NEGR1: variants seen among roughly 807,000 people sequenced by gnomAD.
NEGR1 encodes the protein neuronal growth regulator 1, also known as IgLON family member 4.
A neutral mutation model predicts 40.9 loss-of-function variants in NEGR1; 10 were observed. The observed-to-expected ratio is 0.24, with a 90% confidence interval of 0.15 to 0.42. NEGR1 has a LOEUF of 0.42. Ranked by LOEUF, NEGR1 falls within the 10% of genes least tolerant of loss-of-function variation. NEGR1 has a pLI of 1.00. For missense variants in NEGR1, 352 were observed against 438.9 expected (o/e 0.80, Z 1.77); for synonymous variants, 185 against 166.8 (o/e 1.11, Z -0.84).
intron 2 of NEGR1, among the ~76,000 whole-genome samples, chr1:71,839,402 G>A (rs569215275): frequency 1.3e-5 from 2 of 151,348 alleles, no homozygotes; most frequent in African/African-American, 4.8e-5. Flanking sequence ...GTAGAGATGG[G>A]GTTTCGCCAT....
rs915520025 is a variant in NEGR1 at position 71,400,283 on chromosome 1, G to A, written c.*7163C>T. The A allele has an allele frequency of 2.6e-5, 4 of 152,050 alleles. No individual in the cohort carries two copies. Among genetic ancestry groups the A allele is most frequent in the Non-Finnish European group, 5.9e-5 (4 of 68,010 alleles). 9.4% of individuals were successfully genotyped at this position (152,050 alleles called of 1,614,324 possible). A position where few individuals can be genotyped will look rare whatever the true frequency, so the allele number is the denominator to read the frequency against. On this transcript the variant is annotated 3_prime_UTR_variant, in exon 7 of 7. Coordinates refer to ENST00000357731, the MANE Select transcript of NEGR1 (RefSeq NM_173808.3). ...GACTGGGCTCATTAGCACTAAGTAGGAGCAGAACACTCAGTTCTGGCTATA... is the reference window on the plus strand; with the variant it reads ...GACTGGGCTCATTAGCACTAAGTAGAAGCAGAACACTCAGTTCTGGCTATA...
At chr1:71,509,668 C>A in intron 6 of NEGR1, among the ~76,000 whole-genome samples, 1 of 152,142 alleles carries the variant, frequency 6.6e-6, no homozygotes. Context: ...CTTTTGATCC[C>A]AATATATATG....
chr1:71,680,605 T>C (rs1243128895), intron 4 of NEGR1, among the ~76,000 whole-genome samples: 1 of 152,160 alleles, frequency 6.6e-6, no homozygotes, highest in Non-Finnish European at 1.5e-5. Flanking sequence ...TGTTCATTTC[T>C]GTTTTAATTT....
chr1:71,803,159 G>A lies in NEGR1; in HGVS notation c.410-26862C>T, dbSNP rs182294208. On this transcript the variant is annotated intron_variant, in intron 2 of 6. Transcript: ENST00000357731. ...ACTAACGTTAAATGAGGTCATCTTG[G>A]TTGGCCCCTAATCTAATATGACTGA... 3.3e-4 allele frequency among the ~76,000 whole-genome samples: 50 copies of A among 152,138 alleles called. No individual in the cohort carries two copies. In the South Asian group the frequency reaches 3.5e-3, roughly 11 times the overall value.
At chr1:71,771,122 T>TA (rs929837838) in intron 3 of NEGR1, among the ~76,000 whole-genome samples, 1 of 152,024 alleles carries the variant, frequency 6.6e-6, no homozygotes, top group African/African-American at 2.4e-5. Flanking sequence ...TATGCAGCCA[T>TA]AAAAAAGATG....
In NEGR1 at chr1:72,278,898, T is replaced by C. The variant is rs554467593; in HGVS notation, c.176+3421A>G. ...AAATTACAATGTATTTTAGACATCA[T>C]ATATTTTTTAAATACAAAGCTTAAG... is the stretch of plus-strand genomic sequence containing the variant. On this transcript the variant is annotated intron_variant, in intron 1 of 6. Transcript: ENST00000357731. Among the ~76,000 whole-genome samples, 518 of 152,252 alleles carry C rather than the reference T, an allele frequency of 3.4e-3. 4 individuals carry two copies. Among genetic ancestry groups the C allele is most frequent in the African/African-American group, 0.012 (501 of 41,568 alleles).
intron 2 of NEGR1, among the ~76,000 whole-genome samples, chr1:71,930,216 T>C (rs1645842174): frequency 6.6e-6 from 1 of 152,186 alleles, no homozygotes; most frequent in African/African-American, 2.4e-5. Context: ...AAAAGCCTTA[T>C]GAATGAATGC....
rs141491252 is a variant in NEGR1, at chr1:71,646,228, A to G, written c.668-35082T>C. Among the ~76,000 whole-genome samples the G allele has an allele frequency of 1.4e-3, 207 of 151,966 alleles. 4 individuals are homozygous for G. In the East Asian group the frequency reaches 0.024, roughly 17 times the overall value. On this transcript the variant is annotated intron_variant, in intron 4 of 6. Transcript: ENST00000357731. ...CACATACATATACATAAACACATAT[A>G]TATACATTCATATACATGTCTATGA...
At chr1:71,660,492 A>G (rs994307176) in intron 4 of NEGR1, among the ~76,000 whole-genome samples, 5 of 151,740 alleles carry the variant, frequency 3.3e-5, no homozygotes, top group Admixed American at 6.5e-5. Flanking sequence ...AGTTTAAAAA[A>G]GAAAAAAAAG....
chr1:71,699,103 C>T (rs1653591328), intron 3 of NEGR1, among the ~76,000 whole-genome samples: 1 of 151,876 alleles, frequency 6.6e-6, no homozygotes, highest in African/African-American at 2.4e-5. Flanking sequence ...GCAATGCTTC[C>T]ATTAAATTGT....
chr1:71,409,441 T>C (rs1646301696), intron 6 of NEGR1, among the ~76,000 whole-genome samples: 3 of 152,058 alleles, frequency 2.0e-5, no homozygotes, highest in Admixed American at 2.0e-4. Context: ...ATTTTTGTTA[T>C]GAGAAATTAA....
intron 1 of NEGR1, among the ~76,000 whole-genome samples, chr1:72,112,257 T>C (rs907153837): frequency 3.6e-5 from 5 of 138,292 alleles, no homozygotes; most frequent in African/African-American, 1.5e-4. Flanking sequence ...AGTTGTACAC[T>C]TTTACGTTTA....
chr1:71,706,075 G>T (rs1653886374), intron 3 of NEGR1, among the ~76,000 whole-genome samples: 1 of 152,242 alleles, frequency 6.6e-6, no homozygotes, highest in Non-Finnish European at 1.5e-5. Flanking sequence ...GTACTGAAGA[G>T]ATTTTTAAAA....
At chr1:72,035,422 A>C (rs1646893976) in intron 1 of NEGR1, among the ~76,000 whole-genome samples, 1 of 152,142 alleles carries the variant, frequency 6.6e-6, no homozygotes, top group South Asian at 2.1e-4. Context: ...TCACTGACTT[A>C]AGTATCACTT....
At chr1:71,894,173 G>A (rs2101854170) in intron 2 of NEGR1, among the ~76,000 whole-genome samples, 1 of 140,496 alleles carries the variant, frequency 7.1e-6, no homozygotes, top group East Asian at 2.1e-4. Flanking sequence ...GTATACATAT[G>A]TAACTAACCT....
At chr1:71,621,003 G>A (rs1650591239) in intron 4 of NEGR1, among the ~76,000 whole-genome samples, 1 of 151,884 alleles carries the variant, frequency 6.6e-6, no homozygotes, top group African/African-American at 2.4e-5. Flanking sequence ...TTTGCACTGA[G>A]TTAGTTGTCA....
intron 1 of NEGR1, among the ~76,000 whole-genome samples, chr1:72,167,546 A>C (rs1254676224): frequency 6.6e-6 from 1 of 152,176 alleles, no homozygotes; most frequent in African/African-American, 2.4e-5. Flanking sequence ...TACAAATAAA[A>C]TGACTACATT....
At chr1:72,019,737 A>C (rs1426372775) in intron 1 of NEGR1, among the ~76,000 whole-genome samples, 1 of 152,198 alleles carries the variant, frequency 6.6e-6, no homozygotes, top group African/African-American at 2.4e-5. Context: ...CATTTTGTTC[A>C]ATGCATCACT....
chr1:71,923,958 G>A (rs1292401009), intron 2 of NEGR1, among the ~76,000 whole-genome samples: 3 of 151,504 alleles, frequency 2.0e-5, no homozygotes, highest in Admixed American at 2.0e-4. Flanking sequence ...ACCCAGGCTG[G>A]AGTGCAGTGG....
Sources: gnomAD v4.1 joint callset for allele counts (sites outside exome capture counted in the v4.1 genomes callset) on GRCh38, gnomAD v4.1.1 for gene constraint, MANE v1.5 for transcripts, NCBI Gene and HGNC (gene_info 2026-07-23, HGNC 2026-07-21) for gene names.